C2CD2: variants seen among roughly 807,000 people sequenced by gnomAD.
C2CD2 encodes the protein C2 domain-containing protein 2.
In C2CD2, 43 loss-of-function variants were observed where a neutral mutation model predicts 74.3. The observed-to-expected ratio is 0.58, with a 90% CI of 0.45 to 0.75. C2CD2 has a LOEUF of 0.75. Ranked by LOEUF, C2CD2 falls within the 30% of genes least tolerant of loss-of-function variation. The pLI is 0.00. For missense variants in C2CD2, 801 were observed against 916.3 expected (o/e 0.87, Z 1.63); for synonymous variants, 422 against 390.7 (o/e 1.08, Z -0.94).
Position 41,889,208 on chromosome 21 carries a change from G to A in C2CD2, c.2007C>T (p.Leu669=). The change falls in exon 14 of 14, where the codon CTC becomes CTT. Residue 669 remains leucine, a synonymous_variant. Coordinates refer to ENST00000380486, the MANE Select transcript of C2CD2 (RefSeq NM_015500.2). ...GCAGCTTCTTGTTCAGGATCCTGGT[G>A]AGGGTGATGCCTTTCCTCCGGGAAC... ...PEGSRRKGIT[L]TRILNKKLLS... The A allele has an allele frequency of 6.2e-7, 1 of 1,613,664 alleles. No homozygotes were observed. Among genetic ancestry groups the A allele is most frequent in the Non-Finnish European group, 8.5e-7 (1 of 1,180,030 alleles).
At chr21:41,900,598 C>T (rs1210549963) in intron 12 of C2CD2, among the ~76,000 whole-genome samples, 1 of 152,210 alleles carries the variant, frequency 6.6e-6, no homozygotes, top group East Asian at 1.9e-4. Context: ...AGGCCACCCT[C>T]TGGGTACAAT....
intron 5 of C2CD2, among the ~76,000 whole-genome samples, chr21:41,915,382 C>A (rs2065077569): frequency 6.6e-6 from 1 of 152,286 alleles, no homozygotes; most frequent in African/African-American, 2.4e-5. Context: ...TGGAAGAGCC[C>A]AGCTTCAAAC....
At chr21:41,952,715 A>G (rs2065459657) in intron 1 of C2CD2, among the ~76,000 whole-genome samples, 1 of 152,258 alleles carries the variant, frequency 6.6e-6, no homozygotes, top group African/African-American at 2.4e-5. Context: ...TTCACATGCC[A>G]GCTCTGCCGC....
chr21:41,953,279 G>C (rs1431338858), intron 1 of C2CD2, 91 bp downstream of exon 1: 2 of 842,622 alleles, frequency 2.4e-6, no homozygotes, highest in Non-Finnish European at 1.7e-6. Flanking sequence ...GCCTGGGTCA[G>C]GGGCTGCAGC....
rs2064766931 is a variant in C2CD2, at chr21:41,892,528, G to GGAGGCGGA, written c.1871-3192_1871-3185dup. On this transcript the variant is annotated intron_variant, in intron 13 of 13. Transcript: ENST00000380486. The surrounding 1 kb of genome is among the most constrained non-coding windows in gnomAD (Gnocchi z 4.6). ...AACCCAGGCAGCAACATGGAGGAGT[G>GGAGGCGGA]GAGGCGGAGAGGACAGTGAAGCAGC... Among the ~76,000 whole-genome samples the GGAGGCGGA allele has an allele frequency of 6.6e-6, 1 of 152,208 alleles. No individual in the cohort carries two copies.
chr21:41,919,309 C>T (rs2065130549), intron 3 of C2CD2, among the ~76,000 whole-genome samples: 1 of 152,220 alleles, frequency 6.6e-6, no homozygotes, highest in Non-Finnish European at 1.5e-5. Context: ...TGTGTACCTG[C>T]TCATTTATTC....
At chr21:41,897,099 C>G (rs1601548028) in intron 13 of C2CD2, among the ~76,000 whole-genome samples, 1 of 152,192 alleles carries the variant, frequency 6.6e-6, no homozygotes, top group Non-Finnish European at 1.5e-5. Flanking sequence ...AAGGGTGGAC[C>G]CCTCATCCAC....
chr21:41,944,561 T>C (rs2065383799), intron 1 of C2CD2, among the ~76,000 whole-genome samples: 1 of 150,750 alleles, frequency 6.6e-6, no homozygotes. Context: ...AAGAGTTTGC[T>C]GGAAAACTTA....
chr21:41,911,601 G>T (rs1307224423), intron 7 of C2CD2, among the ~76,000 whole-genome samples: 1 of 151,628 alleles, frequency 6.6e-6, no homozygotes, highest in Admixed American at 6.6e-5. Flanking sequence ...TTACCATGTT[G>T]GCCAGGTTGG....
In C2CD2 at chr21:41,889,142, G is replaced by A. The variant is rs139288725; in HGVS notation, c.2073C>T (p.Pro691=). Residue 691 remains proline, a synonymous_variant, in exon 14 of 14, where the codon CCC becomes CCT. Transcript: ENST00000380486. ...TCAGGCCCTACGTGCAGGGCTCCAC[G>A]GGGGCACCGTTCATGGTGTTCTTGT... ...HRNKNTMNGA[P]VEPCT 8.2e-5 allele frequency: 132 copies of A among 1,612,030 alleles called. No individual in the cohort carries two copies. The highest frequency in any genetic ancestry group is 1.8e-4 in the Admixed American group (11 of 60,024).
intron 6 of C2CD2, among the ~76,000 whole-genome samples, chr21:41,912,716 C>T (rs1364181261): frequency 6.6e-6 from 1 of 152,148 alleles, no homozygotes; most frequent in East Asian, 1.9e-4. Context: ...GTCTCGAACT[C>T]CTGACCTCGT....
rs1366728372 is a variant in C2CD2, at chr21:41,953,659, C to T, written c.-11G>A. ...CCGGGCCATGGCCATGGCGCATCCC[C>T]GGCCCGCCTCGCCCCAACTTCCCCG... On this transcript the variant is annotated 5_prime_UTR_variant, in exon 1 of 14. Transcript: ENST00000380486. The T allele has an allele frequency of 1.1e-5, 16 of 1,405,418 alleles. No individual in the cohort carries two copies. The highest frequency in any genetic ancestry group is 6.3e-5 in the Admixed American group (2 of 31,578). 87.1% of individuals were successfully genotyped at this position (1,405,418 alleles called of 1,614,324 possible).
chr21:41,908,661 A>G (rs560662395), intron 8 of C2CD2: 1 of 152,306 alleles, frequency 6.6e-6, no homozygotes, highest in East Asian at 1.9e-4. Context: ...GTTAACTGGG[A>G]GAAATAACAA....
At position 41,910,193 on chromosome 21, in the gene C2CD2, ACAT is replaced by A. The variant is rs1319497895; in HGVS notation, c.954-673_954-671del. 5.9e-5 allele frequency among the ~76,000 whole-genome samples: 9 copies of A among 152,268 alleles called. 1 individual carries two copies. Among genetic ancestry groups the A allele is most frequent in the Middle Eastern group, 3.4e-3 (1 of 294 alleles). On this transcript the variant is annotated intron_variant, in intron 7 of 13. Transcript: ENST00000380486. Reference sequence around the variant, plus strand: ...TGTCTTTCTGTATAACTACAGAGCAACATCATGTTGGATGGGCCTCTAGTATTC... The same window carrying A: ...TGTCTTTCTGTATAACTACAGAGCAACATGTTGGATGGGCCTCTAGTATTC...
At chr21:41,913,390 G>A (rs1248226529) in intron 6 of C2CD2, among the ~76,000 whole-genome samples, 3 of 152,194 alleles carry the variant, frequency 2.0e-5, no homozygotes, top group African/African-American at 2.4e-5. Context: ...CAGCCTCCAC[G>A]CATTCGCTAC....
intron 3 of C2CD2, among the ~76,000 whole-genome samples, 170 bp downstream of exon 3, chr21:41,921,802 T>G (rs1443084178): frequency 6.6e-6 from 1 of 152,170 alleles, no homozygotes; most frequent in Non-Finnish European, 1.5e-5. Context: ...TGTGTGATCA[T>G]TTCCTACATA....
chr21:41,940,119 A>G (rs945938632), intron 2 of C2CD2, among the ~76,000 whole-genome samples: 2 of 152,202 alleles, frequency 1.3e-5, no homozygotes, highest in Non-Finnish European at 2.9e-5. Context: ...AAAAATCCAA[A>G]AAAAGATCTG....
intron 2 of C2CD2, among the ~76,000 whole-genome samples, chr21:41,931,236 C>T (rs1051830175): frequency 6.7e-6 from 1 of 150,240 alleles, no homozygotes; most frequent in African/African-American, 2.4e-5. Flanking sequence ...AGCGTGCTTC[C>T]ACACCCGGTC....
Position 41,903,509 on chromosome 21 carries a change from G to A in C2CD2, c.1433-1760C>T, listed in dbSNP as rs1405127596. Among the ~76,000 whole-genome samples, 1 of 151,892 alleles carries A rather than the reference G, an allele frequency of 6.6e-6. No homozygotes were observed. The highest frequency in any genetic ancestry group is 1.5e-5 in the Non-Finnish European group (1 of 67,976). On this transcript the variant is annotated intron_variant, in intron 11 of 13. Coordinates refer to ENST00000380486, the MANE Select transcript of C2CD2 (RefSeq NM_015500.2). This position sits in a 1 kb window ranked among gnomAD's most constrained non-coding sequence, Gnocchi z 4.5. ...GAGAAACAGAAAATTGCTTGCCATAGAAAATCTACACATTTGGCGTCAGGA... is the reference window on the plus strand; with the variant it reads ...GAGAAACAGAAAATTGCTTGCCATAAAAAATCTACACATTTGGCGTCAGGA...
Sources: gnomAD v4.1 joint callset for allele counts (sites outside exome capture counted in the v4.1 genomes callset) on GRCh38, gnomAD v4.1.1 for gene constraint, Gnocchi (gnomAD v3.1) non-coding constraint, MANE v1.5 for transcripts, NCBI Gene and HGNC (gene_info 2026-07-23, HGNC 2026-07-21) for gene names.